The following ITGB5 variants were observed in gnomAD, a reference collection of about 807,000 sequenced individuals.
The protein encoded by ITGB5 is integrin beta-5.
In ITGB5, 38 loss-of-function variants were observed where a neutral mutation model predicts 84.8. The ratio of observed to expected loss-of-function variants is 0.45; its 90% CI spans 0.35 to 0.59. The LOEUF is 0.59. ITGB5 is among the 20% of genes least tolerant of loss of function. The probability of loss-of-function intolerance (pLI) is 0.01; values close to 1 mark genes in which losing one functional copy is unlikely to be tolerated. For synonymous variants in ITGB5, 393 were observed against 414.4 expected, an observed-to-expected ratio of 0.95 and a Z score of 0.63; for missense variants, 905 against 1,034.5, an observed-to-expected ratio of 0.87 and a Z score of 1.72.
chr3:124,778,189 A>G (rs1282619044), intron 10 of ITGB5, among the ~76,000 whole-genome samples: 5 of 152,266 alleles, frequency 3.3e-5, no homozygotes, highest in Non-Finnish European at 7.3e-5. Context: ...GGACATGTGA[A>G]ATCCCTGTGC....
At chr3:124,892,434 C>T (rs1213023260), upstream of ITGB5, among the ~76,000 whole-genome samples, 2 of 150,492 alleles carry the variant, frequency 1.3e-5, no homozygotes, top group Admixed American at 1.3e-4. Context: ...CCTATAATCC[C>T]AGCACTTTGG....
Position 124,841,382 on chromosome 3 carries a change from C to A in ITGB5, c.780+1G>T. On this transcript the variant is annotated splice_donor_variant, in intron 5 of 14. Transcript: ENST00000296181. LOFTEE classifies it high-confidence loss of function. ...GGGACAGGACCAGAAAGGAAAGTTA[C>A]CTTGCAGACGGCTGCCTGGAGTACT... 1 of 1,613,392 alleles carries A rather than the reference C, an allele frequency of 6.2e-7. No homozygotes were observed. The highest frequency in any genetic ancestry group is 1.3e-5 in the African/African-American group (1 of 75,050).
chr3:124,784,873 CAAACTGG>C lies in ITGB5; in HGVS notation c.1694-10968_1694-10962del, dbSNP rs1370447861. 2.0e-5 allele frequency among the ~76,000 whole-genome samples: 3 copies of C among 152,242 alleles called. No homozygotes were observed. The East Asian group carries it at 5.8e-4, about 29-fold the overall frequency. On this transcript the variant is annotated intron_variant, in intron 10 of 14. Transcript: ENST00000296181. ...AACAGGATGCGAGGGTTACTATTTT[CAAACTGG>C]AAACTGTCATGGTGTTGTGGTTGGT...
At chr3:124,768,189 C>T (rs1021714479) in intron 12 of ITGB5, among the ~76,000 whole-genome samples, 2 of 152,196 alleles carry the variant, frequency 1.3e-5, no homozygotes, top group African/African-American at 4.8e-5. Context: ...CAGGAGTTTG[C>T]AGAAGCCAGA....
At chr3:124,784,794 G>A (rs751352097) in intron 10 of ITGB5, among the ~76,000 whole-genome samples, 33 of 152,322 alleles carry the variant, frequency 2.2e-4, no homozygotes, top group Middle Eastern at 3.4e-3. Context: ...GCACTTCTGG[G>A]GAAATGCCAA....
At chr3:124,804,409 A>G (rs931095667) in intron 9 of ITGB5, among the ~76,000 whole-genome samples, 1 of 152,088 alleles carries the variant, frequency 6.6e-6, no homozygotes, top group African/African-American at 2.4e-5. Context: ...TTAGCTGGGC[A>G]TGGTGGTGCA....
At chr3:124,849,412 C>T (rs2065122232) in intron 3 of ITGB5, among the ~76,000 whole-genome samples, 1 of 152,106 alleles carries the variant, frequency 6.6e-6, no homozygotes, top group Non-Finnish European at 1.5e-5. Context: ...CCCCAATGGG[C>T]AAAAATATGC....
chr3:124,766,125 G>A lies in ITGB5; in HGVS notation c.2137+101C>T, dbSNP rs180935795. ...CCTCTCCCTGCAGTTTCAAAAGGCC[G>A]ATGAGGACAGAAAGGGCAGTGGTCC... On this transcript the variant is annotated intron_variant, in intron 13 of 14. Transcript: ENST00000296181. 442 of 1,218,848 alleles carry A rather than the reference G, an allele frequency of 3.6e-4. 1 individual carries two copies. The highest frequency in any genetic ancestry group is 8.7e-4 in the Middle Eastern group (3 of 3,460). The allele number at this position is 1,218,848 out of a possible 1,614,324, so 75.5% of individuals were successfully genotyped here.
chr3:124,808,098 T>C (rs981130588), intron 9 of ITGB5, among the ~76,000 whole-genome samples: 2 of 151,982 alleles, frequency 1.3e-5, no homozygotes. Context: ...GCCACGAGAC[T>C]GTCCCTGTCT....
chr3:124,854,706 A>G (rs2065199915), intron 3 of ITGB5, among the ~76,000 whole-genome samples: 1 of 152,206 alleles, frequency 6.6e-6, no homozygotes, highest in African/African-American at 2.4e-5. Context: ...CAACCTTGCA[A>G]ATATACTAAG....
intron 10 of ITGB5, among the ~76,000 whole-genome samples, chr3:124,790,468 G>A (rs935795690): frequency 2.0e-5 from 3 of 149,722 alleles, no homozygotes; most frequent in African/African-American, 7.4e-5. Flanking sequence ...AACCGCCTTT[G>A]ACTAGACAGG....
chr3:124,783,042 A>G (rs1185545233), intron 10 of ITGB5, among the ~76,000 whole-genome samples: 2 of 151,738 alleles, frequency 1.3e-5, no homozygotes, highest in Admixed American at 6.6e-5. Flanking sequence ...TGTAATCCCA[A>G]CACTCTGGGA....
rs78978304 is a variant in ITGB5 at position 124,860,867 on chromosome 3, G to A, written c.157-1421C>T. 5.0e-3 allele frequency among the ~76,000 whole-genome samples: 763 copies of A among 152,286 alleles called. 16 individuals carry two copies. The highest frequency in any genetic ancestry group is 0.034 in the East Asian group (175 of 5,182). ...CCTCCCTCAAGGTCTCAGATGTCCT[G>A]GAACTACCCAATGCCCTTTAGAATC... On this transcript the variant is annotated intron_variant, in intron 2 of 14. Coordinates refer to ENST00000296181, the MANE Select transcript of ITGB5 (RefSeq NM_002213.5).
chr3:124,796,170 A>G (rs2064219884), intron 10 of ITGB5, among the ~76,000 whole-genome samples: 1 of 152,276 alleles, frequency 6.6e-6, no homozygotes, highest in Middle Eastern at 3.4e-3. Context: ...TCGAATTCTG[A>G]GAGTCCACAA....
chr3:124,803,526 T>C (rs1352161538), intron 9 of ITGB5, among the ~76,000 whole-genome samples: 1 of 152,152 alleles, frequency 6.6e-6, no homozygotes, highest in Non-Finnish European at 1.5e-5. Context: ...TACAATTTGC[T>C]CTGTAATGGG....
intron 5 of ITGB5, among the ~76,000 whole-genome samples, chr3:124,836,393 C>T (rs1440078151): frequency 6.6e-6 from 1 of 151,524 alleles, no homozygotes; most frequent in East Asian, 1.9e-4. Flanking sequence ...TTGCAGTGAG[C>T]CATGATAACA....
intron 9 of ITGB5, among the ~76,000 whole-genome samples, chr3:124,803,810 A>T (rs577729097): frequency 6.6e-6 from 1 of 152,334 alleles, no homozygotes; most frequent in South Asian, 2.1e-4. Flanking sequence ...AATCGTGGGC[A>T]CCAAGAAGCC....
chr3:124,856,042 G>C (rs1182846876), intron 3 of ITGB5, among the ~76,000 whole-genome samples: 17 of 151,758 alleles, frequency 1.1e-4, no homozygotes, highest in Admixed American at 1.1e-3. Flanking sequence ...TGGGTTCAAG[G>C]GATCCTTCCA....
chr3:124,855,379 G>C (rs1033241541), intron 3 of ITGB5, among the ~76,000 whole-genome samples: 3 of 152,042 alleles, frequency 2.0e-5, no homozygotes, highest in Non-Finnish European at 4.4e-5. Context: ...AGAGTCAGGG[G>C]GGAGATACCC....
Sources: allele counts gnomAD v4.1 joint callset (sites outside exome capture counted in the v4.1 genomes callset), GRCh38; gene constraint gnomAD v4.1.1; transcripts MANE v1.5; gene names NCBI Gene and HGNC (gene_info 2026-07-23, HGNC 2026-07-21).